ST6GALNAC3: variants seen among roughly 807,000 people sequenced by gnomAD.
ST6GALNAC3 encodes alpha-N-acetylgalactosaminide alpha-2,6-sialyltransferase 3.
A neutral mutation model predicts 32.7 loss-of-function variants in ST6GALNAC3; 25 were observed. The observed-to-expected ratio is 0.76, with a 90% CI of 0.56 to 1.07. ST6GALNAC3 has a LOEUF of 1.07. Ranked by LOEUF, ST6GALNAC3 falls within the 50% of genes least tolerant of loss-of-function variation. The pLI, the probability that ST6GALNAC3 is intolerant of heterozygous loss-of-function variation, is 0.00. For synonymous variants in ST6GALNAC3, 129 were observed against 133.1 expected (o/e 0.97, Z 0.21); for missense variants, 355 against 382.4 (o/e 0.93, Z 0.60).
At chr1:76,377,223 A>G (rs1651308065) in intron 2 of ST6GALNAC3, among the ~76,000 whole-genome samples, 1 of 152,204 alleles carries the variant, frequency 6.6e-6, no homozygotes, top group Non-Finnish European at 1.5e-5. Context: ...GAGAAATTGA[A>G]AACTGGGGGC....
intron 1 of ST6GALNAC3, among the ~76,000 whole-genome samples, chr1:76,147,060 ACTT>A (rs980002668): frequency 1.5e-5 from 2 of 131,782 alleles, no homozygotes; most frequent in African/African-American, 5.6e-5. Flanking sequence ...CACTCCCCCC[ACTT>A]CTTTTTTTTT....
At chr1:76,419,137 C>T (rs1051883017) in intron 3 of ST6GALNAC3, among the ~76,000 whole-genome samples, 2 of 151,902 alleles carry the variant, frequency 1.3e-5, no homozygotes, top group Non-Finnish European at 1.5e-5. Flanking sequence ...ACAAGAGCAA[C>T]ATCTCAAGTT....
At chr1:76,165,329 T>C (rs567618992) in intron 1 of ST6GALNAC3, among the ~76,000 whole-genome samples, 1 of 152,298 alleles carries the variant, frequency 6.6e-6, no homozygotes, top group East Asian at 1.9e-4. Flanking sequence ...TTCATTCATG[T>C]CCCTGTAAAA....
chr1:76,116,746 C>A (rs1571191719), intron 1 of ST6GALNAC3, among the ~76,000 whole-genome samples: 1 of 152,268 alleles, frequency 6.6e-6, no homozygotes, highest in East Asian at 1.9e-4. Context: ...GCCTTGCCAA[C>A]ATGGCAAAAC....
At chr1:76,120,490 AACACTTGCCATAGAATG>A (rs1223099675) in intron 1 of ST6GALNAC3, among the ~76,000 whole-genome samples, 4 of 152,216 alleles carry the variant, frequency 2.6e-5, no homozygotes, top group African/African-American at 7.2e-5. Flanking sequence ...GCATACTTTG[AACACTTGCCATAGAATG>A]TCTCCTTTGA....
intron 1 of ST6GALNAC3, among the ~76,000 whole-genome samples, chr1:76,197,537 G>A (rs1182827533): frequency 6.6e-6 from 1 of 152,138 alleles, no homozygotes; most frequent in African/African-American, 2.4e-5. Context: ...AAACTTAGAG[G>A]AGGCTTTGAA....
intron 1 of ST6GALNAC3, among the ~76,000 whole-genome samples, chr1:76,289,032 T>C (rs1659933747): frequency 6.6e-6 from 1 of 152,220 alleles, no homozygotes; most frequent in African/African-American, 2.4e-5. Flanking sequence ...AAGAAGAAAC[T>C]GTATCTCTAA....
chr1:76,147,064 C>CT (rs35731973), intron 1 of ST6GALNAC3, among the ~76,000 whole-genome samples: 13,065 of 136,324 alleles, frequency 0.096, 709 homozygotes, highest in Non-Finnish European at 0.12. Flanking sequence ...CCCCCCACTT[C>CT]TTTTTTTTTT....
intron 3 of ST6GALNAC3, among the ~76,000 whole-genome samples, chr1:76,446,104 A>G (rs541695339): frequency 6.6e-6 from 1 of 152,306 alleles, no homozygotes; most frequent in South Asian, 2.1e-4. Flanking sequence ...ACAGCCAACA[A>G]TATGCTATGG....
At chr1:76,367,534 G>T (rs938224818) in intron 2 of ST6GALNAC3, among the ~76,000 whole-genome samples, 21 of 151,990 alleles carry the variant, frequency 1.4e-4, no homozygotes, top group African/African-American at 4.8e-4. Flanking sequence ...ATTTTGAGTG[G>T]GGCAAAAGTT....
At chr1:76,149,584 T>A (rs1650911606) in intron 1 of ST6GALNAC3, among the ~76,000 whole-genome samples, 2 of 152,238 alleles carry the variant, frequency 1.3e-5, no homozygotes. Context: ...AATGTATCTA[T>A]CAGCTCACAT....
chr1:76,205,166 T>C (rs889412386), intron 1 of ST6GALNAC3, among the ~76,000 whole-genome samples: 1 of 152,200 alleles, frequency 6.6e-6, no homozygotes, highest in Non-Finnish European at 1.5e-5. Context: ...TTGGCCAGCT[T>C]AGATCTGATT....
At chr1:76,290,001 A>T (rs1016485408) in intron 1 of ST6GALNAC3, among the ~76,000 whole-genome samples, 3 of 152,148 alleles carry the variant, frequency 2.0e-5, no homozygotes, top group Non-Finnish European at 4.4e-5. Flanking sequence ...TCTACCCAGG[A>T]TTTTCTGTTT....
At chr1:76,517,186 C>T (rs1171164590) in intron 3 of ST6GALNAC3, among the ~76,000 whole-genome samples, 1 of 151,712 alleles carries the variant, frequency 6.6e-6, no homozygotes. Context: ...AGAATCAATA[C>T]ATTAAAATAT....
intron 2 of ST6GALNAC3, among the ~76,000 whole-genome samples, chr1:76,388,612 C>T (rs1404834317): frequency 6.6e-6 from 1 of 152,132 alleles, no homozygotes; most frequent in African/African-American, 2.4e-5. Flanking sequence ...TTCCAGACTC[C>T]CTTTCCCACT....
intron 1 of ST6GALNAC3, among the ~76,000 whole-genome samples, chr1:76,116,057 C>T (rs999030045): frequency 1.3e-5 from 2 of 152,158 alleles, no homozygotes; most frequent in African/African-American, 4.8e-5. Flanking sequence ...CTACATAGCC[C>T]TTTCATTGCA....
intron 2 of ST6GALNAC3, among the ~76,000 whole-genome samples, chr1:76,394,886 G>T (rs1038414028): frequency 1.3e-5 from 2 of 152,074 alleles, no homozygotes; most frequent in African/African-American, 4.8e-5. Flanking sequence ...AGATTCCAAG[G>T]CTCAGAATTT....
At chr1:76,200,851 AGTG>A (rs1654476917) in intron 1 of ST6GALNAC3, among the ~76,000 whole-genome samples, 1 of 152,014 alleles carries the variant, frequency 6.6e-6, no homozygotes, top group African/African-American at 2.4e-5. Flanking sequence ...ACAATCTCTC[AGTG>A]GTGGTAAGGA....
At chr1:76,205,322 T>C (rs986639901) in intron 1 of ST6GALNAC3, among the ~76,000 whole-genome samples, 5 of 152,140 alleles carry the variant, frequency 3.3e-5, no homozygotes, top group Non-Finnish European at 7.3e-5. Flanking sequence ...CCTTGTACAC[T>C]CAATAGTCCA....
Sources: gnomAD v4.1 joint callset for allele counts (sites outside exome capture counted in the v4.1 genomes callset) on GRCh38, gnomAD v4.1.1 for gene constraint, MANE v1.5 for transcripts, NCBI Gene and HGNC (gene_info 2026-07-23, HGNC 2026-07-21) for gene names.